CDIN1: variants seen among roughly 807,000 people sequenced by gnomAD.
CDIN1 encodes CDAN1 interacting nuclease 1, also known as CDAN1-interacting nuclease 1.
A neutral mutation model predicts 45.3 loss-of-function variants in CDIN1; 33 were observed. The ratio of observed to expected loss-of-function variants is 0.73; its 90% CI spans 0.55 to 0.97. CDIN1 has a LOEUF of 0.97. CDIN1 is among the 50% of genes least tolerant of loss of function. The pLI is 0.00. For synonymous variants in CDIN1, 118 were observed against 124.4 expected (o/e 0.95, Z 0.34); for missense variants, 303 against 339.4 (o/e 0.89, Z 0.84).
intron 10 of CDIN1, chr15:36,799,839 GAGAGT>G (rs1482078713): frequency 2.6e-5 from 4 of 152,142 alleles, no homozygotes; most frequent in Admixed American, 2.6e-4. Flanking sequence ...CTAGAAAACA[GAGAGT>G]AAAGACAACA....
chr15:36,604,207 TG>T (rs2140244613), intron 1 of CDIN1, among the ~76,000 whole-genome samples: 1 of 152,142 alleles, frequency 6.6e-6, no homozygotes, highest in Non-Finnish European at 1.5e-5. Context: ...CACATGCAAA[TG>T]CTAAATTCAG....
chr15:36,684,879 A>G (rs1056775603), intron 5 of CDIN1, among the ~76,000 whole-genome samples: 1 of 149,296 alleles, frequency 6.7e-6, no homozygotes, highest in African/African-American at 2.4e-5. Context: ...AGGTGTTTGT[A>G]GTATTCTCTG....
chr15:36,616,939 A>G (rs747737353), intron 1 of CDIN1: 58 of 330,426 alleles, frequency 1.8e-4, no homozygotes, highest in Non-Finnish European at 2.8e-4. Flanking sequence ...AAATATATAT[A>G]TATATAATGC....
At chr15:36,647,793 A>G (rs1030383360) in intron 3 of CDIN1, 3 of 151,906 alleles carry the variant, frequency 2.0e-5, no homozygotes, top group Non-Finnish European at 4.4e-5. Flanking sequence ...TTTCTTTTAT[A>G]AAGTAATACT....
intron 1 of CDIN1, among the ~76,000 whole-genome samples, chr15:36,594,038 G>T (rs1566817708): frequency 6.6e-6 from 1 of 152,094 alleles, no homozygotes; most frequent in Non-Finnish European, 1.5e-5. Flanking sequence ...TGCCTTCAAA[G>T]TTTTCTTTTA....
At chr15:36,723,823 T>G (rs1312396806) in intron 10 of CDIN1, among the ~76,000 whole-genome samples, 2 of 152,242 alleles carry the variant, frequency 1.3e-5, no homozygotes, top group African/African-American at 4.8e-5. Flanking sequence ...AATAAGTTAC[T>G]TCTATGTAGA....
At chr15:36,762,159 A>G (rs1393153227) in intron 10 of CDIN1, among the ~76,000 whole-genome samples, 3 of 91,010 alleles carry the variant, frequency 3.3e-5, no homozygotes, top group Non-Finnish European at 4.8e-5. Context: ...TAAACTCAGT[A>G]GGAAGGCTGC....
At chr15:36,719,750 C>T (rs2043342171) in intron 10 of CDIN1, among the ~76,000 whole-genome samples, 1 of 152,024 alleles carries the variant, frequency 6.6e-6, no homozygotes, top group African/African-American at 2.4e-5. Flanking sequence ...GCATCTGGGC[C>T]TGTGGTATTT....
At chr15:36,718,812 C>CTTTTTTTTTTTTTTTTTTTTTTTTTTT in intron 10 of CDIN1, among the ~76,000 whole-genome samples, 2 of 96,650 alleles carry the variant, frequency 2.1e-5, no homozygotes, top group Non-Finnish European at 3.9e-5. Context: ...AATTTGTATG[C>CTTTTTTTTTTTTTTTTTTTTTTTTTTT]TTTTTTTTTT....
intron 8 of CDIN1, among the ~76,000 whole-genome samples, chr15:36,703,032 G>A (rs536459450): frequency 1.4e-4 from 21 of 149,786 alleles, no homozygotes; most frequent in African/African-American, 4.2e-4. Context: ...AAGACTCCCC[G>A]CCACTCCCCC....
chr15:36,788,089 TATATATATATATA>T (rs1169746980), intron 10 of CDIN1, among the ~76,000 whole-genome samples: 4 of 35,630 alleles, frequency 1.1e-4, no homozygotes, highest in Non-Finnish European at 1.8e-4. Context: ...TATATATATA[TATATATATATATA>T]TATATTTTTT....
In CDIN1 at chr15:36,629,245, T is replaced by C. The variant is rs188592758; in HGVS notation, c.102-15033T>C. On this transcript the variant is annotated intron_variant, in intron 1 of 10. Coordinates refer to ENST00000566621, the MANE Select transcript of CDIN1 (RefSeq NM_001321759.2). ...AGGAAACTAAAGTGTGTGACCATGGTAGGATGTTTAGTAAATTTTTATTTT... is the reference window on the plus strand; with the variant it reads ...AGGAAACTAAAGTGTGTGACCATGGCAGGATGTTTAGTAAATTTTTATTTT... Among the ~76,000 whole-genome samples the C allele has an allele frequency of 6.4e-4, 98 of 152,306 alleles. 1 individual carries two copies. The highest frequency in any genetic ancestry group is 2.3e-3 in the African/African-American group (96 of 41,570).
At chr15:36,696,687 C>A (rs536791138) in intron 7 of CDIN1, among the ~76,000 whole-genome samples, 26 of 152,256 alleles carry the variant, frequency 1.7e-4, no homozygotes, top group African/African-American at 6.3e-4. Context: ...GTTATAGGCG[C>A]AAGCCACCTT....
chr15:36,684,915 C>T (rs1458373838), intron 5 of CDIN1, among the ~76,000 whole-genome samples: 30 of 149,636 alleles, frequency 2.0e-4, no homozygotes, highest in African/African-American at 2.2e-4. Context: ...TCTGTGGGAT[C>T]GGTGGTGATA....
intron 10 of CDIN1, among the ~76,000 whole-genome samples, chr15:36,803,015 G>A (rs1014277135): frequency 1.3e-5 from 2 of 151,786 alleles, no homozygotes; most frequent in African/African-American, 4.8e-5. Context: ...TGTTGAGATC[G>A]ACAAAGCCTG....
intron 10 of CDIN1, chr15:36,799,389 T>C (rs1049085993): frequency 6.6e-5 from 10 of 152,200 alleles, no homozygotes; most frequent in African/African-American, 1.2e-4. Context: ...CCACAGCTAT[T>C]GTCCTGAAAC....
At chr15:36,694,614 C>T (rs777935381) in intron 7 of CDIN1, among the ~76,000 whole-genome samples, 2 of 152,060 alleles carry the variant, frequency 1.3e-5, no homozygotes, top group Non-Finnish European at 2.9e-5. Flanking sequence ...CCTATGCAGC[C>T]ATGCCCACCT....
intron 1 of CDIN1, among the ~76,000 whole-genome samples, chr15:36,637,035 T>C (rs143251603): frequency 1.3e-5 from 2 of 152,222 alleles, no homozygotes; most frequent in African/African-American, 4.8e-5. Flanking sequence ...AGTACTTACA[T>C]TGAATGTACC....
intron 5 of CDIN1, among the ~76,000 whole-genome samples, chr15:36,667,302 T>A (rs2041284069): frequency 6.6e-6 from 1 of 152,230 alleles, no homozygotes; most frequent in Admixed American, 6.5e-5. Context: ...TTTACTTATG[T>A]CACATAGCAC....
Sources: allele counts gnomAD v4.1 joint callset (sites outside exome capture counted in the v4.1 genomes callset), GRCh38; gene constraint gnomAD v4.1.1; transcripts MANE v1.5; gene names NCBI Gene and HGNC (gene_info 2026-07-23, HGNC 2026-07-21).